The following PTPRT variants were observed in gnomAD, a reference collection of about 807,000 sequenced individuals.
PTPRT encodes receptor-type tyrosine-protein phosphatase T.
In PTPRT, 56 loss-of-function variants were observed where a neutral mutation model predicts 176.8. That is an observed-to-expected ratio of 0.32 (90% CI 0.26 to 0.40). The LOEUF (loss-of-function observed/expected upper bound fraction) is 0.40. Ranked by LOEUF, PTPRT falls within the 10% of genes least tolerant of loss-of-function variation. The pLI, the probability that PTPRT is intolerant of heterozygous loss-of-function variation, is 1.00. For synonymous variants in PTPRT, 783 were observed against 739.0 expected, an observed-to-expected ratio of 1.06 and a Z score of -0.96; for missense variants, 1,540 against 1,908.2, an observed-to-expected ratio of 0.81 and a Z score of 3.60.
chr20:43,117,127 TTAC>T (rs1209053289), intron 1 of PTPRT, among the ~76,000 whole-genome samples: 6 of 152,150 alleles, frequency 3.9e-5, no homozygotes, highest in African/African-American at 1.4e-4. Flanking sequence ...GCGCTGCTTC[TTAC>T]GGCCTGGGTA....
intron 13 of PTPRT, among the ~76,000 whole-genome samples, chr20:42,267,092 C>G (rs2056851658): frequency 6.6e-6 from 1 of 152,184 alleles, no homozygotes; most frequent in Non-Finnish European, 1.5e-5. Context: ...CTTTACAATG[C>G]TGCTGAGAAA....
chr20:42,937,419 T>C (rs1298022205), intron 1 of PTPRT, among the ~76,000 whole-genome samples: 1 of 152,328 alleles, frequency 6.6e-6, no homozygotes, highest in Middle Eastern at 3.4e-3. Flanking sequence ...TGTTTACTAC[T>C]GCAGTTATGC....
chr20:43,139,381 T>A (rs1346996725), intron 1 of PTPRT, among the ~76,000 whole-genome samples: 1 of 152,256 alleles, frequency 6.6e-6, no homozygotes, highest in African/African-American at 2.4e-5. Flanking sequence ...TGATTTTTCC[T>A]GAATTAGAAT....
chr20:42,389,904 C>T (rs1249479246), intron 9 of PTPRT, among the ~76,000 whole-genome samples: 3 of 151,652 alleles, frequency 2.0e-5, no homozygotes, highest in African/African-American at 4.8e-5. Flanking sequence ...TTTAACTCTT[C>T]TCTCTGTCTC....
At chr20:42,719,364 G>A (rs1457522317) in intron 6 of PTPRT, among the ~76,000 whole-genome samples, 2 of 152,196 alleles carry the variant, frequency 1.3e-5, no homozygotes, top group Admixed American at 1.3e-4. Flanking sequence ...GAAACAGAAA[G>A]CTGTGACCAA....
At chr20:43,033,030 G>A (rs1055237164) in intron 1 of PTPRT, among the ~76,000 whole-genome samples, 18 of 152,144 alleles carry the variant, frequency 1.2e-4, no homozygotes, top group African/African-American at 3.9e-4. Context: ...TGTCTGTGTG[G>A]TGTGTGCGGT....
At chr20:42,905,776 A>G (rs2079468393) in intron 1 of PTPRT, among the ~76,000 whole-genome samples, 1 of 152,196 alleles carries the variant, frequency 6.6e-6, no homozygotes, top group South Asian at 2.1e-4. Flanking sequence ...AGGGTCATGG[A>G]TGAAGCTAGA....
chr20:42,284,673 CT>C (rs2057198948), intron 12 of PTPRT, among the ~76,000 whole-genome samples: 1 of 152,034 alleles, frequency 6.6e-6, no homozygotes, highest in Non-Finnish European at 1.5e-5. Context: ...CACTGATACT[CT>C]GTCTATTGCA....
intron 9 of PTPRT, among the ~76,000 whole-genome samples, chr20:42,363,561 C>T (rs143571035): frequency 0.01 from 1,535 of 151,688 alleles, 27 homozygotes; most frequent in African/African-American, 0.036. Flanking sequence ...CAGCCCGCCT[C>T]GGCCTCCCAA....
At chr20:42,328,867 T>G (rs6030139) in intron 11 of PTPRT, among the ~76,000 whole-genome samples, 69,266 of 151,910 alleles carry the variant, frequency 0.46, 16,413 homozygotes, top group African/African-American at 0.58. Flanking sequence ...AAAATTATCA[T>G]TATTCATAGA....
At chr20:42,582,774 A>T (rs987638117) in intron 7 of PTPRT, among the ~76,000 whole-genome samples, 5 of 152,130 alleles carry the variant, frequency 3.3e-5, no homozygotes, top group African/African-American at 1.2e-4. Context: ...AAAAAACTGG[A>T]CCTATAGAGA....
intron 7 of PTPRT, among the ~76,000 whole-genome samples, chr20:42,477,955 G>T (rs1047338267): frequency 6.6e-6 from 1 of 152,194 alleles, no homozygotes; most frequent in African/African-American, 2.4e-5. Context: ...GGGCCAATGG[G>T]CTGGCCAAAG....
chr20:42,722,087 T>C (rs1446511982), intron 6 of PTPRT, among the ~76,000 whole-genome samples: 1 of 151,368 alleles, frequency 6.6e-6, no homozygotes, highest in Middle Eastern at 3.2e-3. Flanking sequence ...GAAATCCTGC[T>C]TGCTGGCCTC....
At chr20:42,955,160 G>T (rs1007939665) in intron 1 of PTPRT, among the ~76,000 whole-genome samples, 11 of 152,062 alleles carry the variant, frequency 7.2e-5, no homozygotes, top group African/African-American at 2.4e-4. Context: ...AACATTTATT[G>T]AGCTTTTACT....
chr20:42,700,501 A>G (rs2075959484), intron 6 of PTPRT, among the ~76,000 whole-genome samples: 1 of 152,242 alleles, frequency 6.6e-6, no homozygotes, highest in South Asian at 2.1e-4. Flanking sequence ...TGGCCCATGC[A>G]CAGAAATAAA....
intron 7 of PTPRT, among the ~76,000 whole-genome samples, chr20:42,593,744 G>A (rs2073620377): frequency 1.3e-5 from 2 of 152,194 alleles, no homozygotes; most frequent in Admixed American, 6.5e-5. Context: ...GTACCAGGAA[G>A]GGACACATTT....
chr20:42,032,819 G>T, the PTPRT span, among the ~76,000 whole-genome samples: 2 of 152,134 alleles, frequency 1.3e-5, no homozygotes, highest in African/African-American at 4.8e-5. Flanking sequence ...CTGCCATGTT[G>T]TGAGCAATCC....
intron 1 of PTPRT, among the ~76,000 whole-genome samples, chr20:42,904,770 A>G (rs1309155172): frequency 3.3e-5 from 5 of 152,180 alleles, no homozygotes; most frequent in African/African-American, 1.2e-4. Context: ...CCACACATCT[A>G]CAACCATCTG....
At chr20:42,824,338 G>T (rs116977517) in intron 2 of PTPRT, among the ~76,000 whole-genome samples, 1,833 of 151,976 alleles carry the variant, frequency 0.012, 20 homozygotes, top group Non-Finnish European at 0.019. Context: ...TTCATAAAGT[G>T]TAACTAGAAG....
Sources: gnomAD v4.1 joint callset for allele counts (sites outside exome capture counted in the v4.1 genomes callset) on GRCh38, gnomAD v4.1.1 for gene constraint, MANE v1.5 for transcripts, NCBI Gene and HGNC (gene_info 2026-07-23, HGNC 2026-07-21) for gene names.